The following HSPA8 variants were observed in gnomAD, a reference collection of about 807,000 sequenced individuals.
HSPA8 encodes the protein heat shock protein family A (Hsp70) member 8.
A neutral mutation model predicts 52.8 loss-of-function variants in HSPA8; 2 were observed. The ratio of observed to expected loss-of-function variants is 0.04; its 90% CI spans 0.02 to 0.12. The LOEUF (loss-of-function observed/expected upper bound fraction) is 0.12. Among genes scored for constraint, HSPA8 ranks in the 10% least tolerant of loss-of-function variants. HSPA8 has a pLI of 1.00. For synonymous variants in HSPA8, 436 were observed against 274.0 expected (o/e 1.59, Z -5.84); for missense variants, 349 against 800.5 (o/e 0.44, Z 6.81).
Position 123,057,603 on chromosome 11 carries a change from A to C in HSPA8, c.*131T>G. 1 of 625,788 alleles carries C rather than the reference A, an allele frequency of 1.6e-6. No homozygotes were observed. Among genetic ancestry groups the C allele is most frequent in the East Asian group, 2.9e-5 (1 of 34,812 alleles). 38.8% of individuals were successfully genotyped at this position (625,788 alleles called of 1,614,324 possible). On this transcript the variant is annotated 3_prime_UTR_variant, in exon 9 of 9. Coordinates refer to ENST00000534624, the MANE Select transcript of HSPA8 (RefSeq NM_006597.6). Reference sequence around the variant, plus strand: ...TCCCCTGTGCATATGTTCCATATTCAAGTATTGAGAATGCCCAGTAACTTA... The same window carrying C: ...TCCCCTGTGCATATGTTCCATATTCCAGTATTGAGAATGCCCAGTAACTTA...
At position 123,057,532 on chromosome 11, in the gene HSPA8, T is replaced by A. The variant is rs1256421160; in HGVS notation, c.*202A>T. On this transcript the variant is annotated 3_prime_UTR_variant, in exon 9 of 9. Coordinates refer to ENST00000534624, the MANE Select transcript of HSPA8 (RefSeq NM_006597.6). ...AAATAGTTTTATTTAAGACATTGCA[T>A]TTTCCACTTACAATACAGTGTTTAT... 6.4e-6 allele frequency: 3 copies of A among 470,432 alleles called. No individual in the cohort carries two copies. The East Asian group carries it at 1.1e-4, about 17-fold the overall frequency. 29.1% of individuals were successfully genotyped at this position (470,432 alleles called of 1,614,324 possible).
chr11:123,059,307 A>G (rs552299685), intron 5 of HSPA8, 46 bp from the exon 6 acceptor site: 4 of 1,517,146 alleles, frequency 2.6e-6, no homozygotes, highest in South Asian at 1.1e-5. Flanking sequence ...AAGAAAACCC[A>G]GTACATAGCT....
In HSPA8 at chr11:123,060,839, C is replaced by T. The variant is rs2135446430; in HGVS notation, c.206-41G>A. 4 of 1,555,162 alleles carry T rather than the reference C, an allele frequency of 2.6e-6. No homozygotes were observed. In the South Asian group the frequency reaches 3.3e-5, roughly 13 times the overall value. On this transcript the variant is annotated intron_variant, in intron 2 of 8. Coordinates refer to ENST00000534624, the MANE Select transcript of HSPA8 (RefSeq NM_006597.6). ...AATGAAAACACTTTCAATTTCATAG[C>T]TCTTCTGATAAAACTCAAGTCCATG...
chr11:123,060,916 G>T, intron 2 of HSPA8, 118 bp from the exon 3 acceptor site: 1 of 981,692 alleles, frequency 1.0e-6, no homozygotes. Flanking sequence ...CTACCATATA[G>T]GTAGCAAAGG....
At chr11:123,060,963 C>A in intron 2 of HSPA8, 157 bp downstream of exon 2, 1 of 885,274 alleles carries the variant, frequency 1.1e-6, no homozygotes, top group East Asian at 2.6e-5. Context: ...CAGATTTCAG[C>A]CTGAAAGGTT....
chr11:123,059,557 T>C lies in HSPA8; in HGVS notation c.1036A>G (p.Ile346Val). 6.2e-7 allele frequency: 1 copy of C among 1,614,066 alleles called. No individual in the cohort carries two copies. The highest frequency in any genetic ancestry group is 1.1e-5 in the South Asian group (1 of 91,074). The part of the protein sequence containing the change: ...LVGGSTRIPK[I>V]QKLLQDFFNG... ...AAGAAGTCTTGGAGAAGCTTCTGAA[T>C]CTTGGGGATACGAGTAGAACCACCA... is the stretch of plus-strand genomic sequence containing the variant. The change falls in exon 5 of 9, where the codon ATT (isoleucine) becomes GTT (valine). Residue 346 changes from isoleucine (I) to valine (V), a missense_variant. Ile to Val is a conservative substitution (Grantham distance 29). Transcript: ENST00000534624.
chr11:123,060,261 G>T lies in HSPA8; in HGVS notation c.419C>A (p.Thr140Asn), dbSNP rs141156763. 6.8e-6 allele frequency: 11 copies of T among 1,613,314 alleles called. No homozygotes were observed. Among genetic ancestry groups the T allele is most frequent in the African/African-American group, 1.3e-5 (1 of 74,982 alleles). Residue 140 changes from threonine (T) to asparagine (N), a missense_variant, in exon 4 of 9, where the codon ACC becomes AAC. By Grantham distance (65) the Thr-to-Asn change is moderately conservative. Coordinates refer to ENST00000534624, the MANE Select transcript of HSPA8 (RefSeq NM_006597.6). The part of the protein sequence containing the change: ...IAEAYLGKTV[T>N]NAVVTVPAYF... ...AGCTGGCACTGTGACCACAGCATTG[G>T]TAACAGTCTAGGAATAAGGAAAAGA...
At chr11:123,061,560 T>C (rs1018218443) in intron 1 of HSPA8, 27 of 563,358 alleles carry the variant, frequency 4.8e-5, no homozygotes, top group Non-Finnish European at 8.6e-5. Context: ...CCAGACGGCG[T>C]GGGGCGTTGC....
At chr11:123,060,393 T>A in intron 3 of HSPA8, 125 bp from the exon 4 acceptor site, 1 of 1,014,330 alleles carries the variant, frequency 9.9e-7, no homozygotes, top group Non-Finnish European at 1.5e-6. Flanking sequence ...TGTAAATTAC[T>A]GTGTAATTGT....
At chr11:123,058,224 AG>A (rs773956929) in intron 8 of HSPA8, 27 bp downstream of exon 8, 4 of 1,078,836 alleles carry the variant, frequency 3.7e-6, no homozygotes, top group Non-Finnish European at 5.4e-6. Flanking sequence ...TGAGTGGGGG[AG>A]GAAAAAAAAA....
rs1174128880 is a variant in HSPA8 at position 123,059,457 on chromosome 11, G to C, written c.1120+16C>G. 5 of 1,602,198 alleles carry C rather than the reference G, an allele frequency of 3.1e-6. No homozygotes were observed. In the African/African-American group the frequency reaches 4.0e-5, roughly 13 times the overall value. ...GGCCTGCCTGCCTTTAGGGTTAATTGAGATACCATTGTTACCTGCACCATA... is the reference window on the plus strand; with the variant it reads ...GGCCTGCCTGCCTTTAGGGTTAATTCAGATACCATTGTTACCTGCACCATA... On this transcript the variant is annotated intron_variant, in intron 5 of 8. Coordinates refer to ENST00000534624, the MANE Select transcript of HSPA8 (RefSeq NM_006597.6).
At chr11:123,058,981 C>A in intron 6 of HSPA8, 78 bp downstream of exon 6, 1 of 1,442,096 alleles carries the variant, frequency 6.9e-7, no homozygotes. Flanking sequence ...GTTTTGGAAT[C>A]CATCATCATA....
At chr11:123,060,513 CGCCAGG>C in intron 3 of HSPA8, 74 bp downstream of exon 3, 3 of 1,127,752 alleles carry the variant, frequency 2.7e-6, no homozygotes, top group Non-Finnish European at 4.0e-6. Flanking sequence ...TCCCCTCCCT[CGCCAGG>C]TGCCAGTGCC....
In HSPA8 at chr11:123,060,005, G is replaced by T. The variant is rs749654902; in HGVS notation, c.588C>A (p.Leu196=). The T allele has an allele frequency of 1.9e-6, 3 of 1,613,710 alleles. No individual in the cohort carries two copies. The highest frequency in any genetic ancestry group is 3.3e-5 in the Admixed American group (2 of 59,942). ...AAGTGCCACCTCCCAGGTCAAAGAT[G>T]AGCACGTTTCTTTCTGCTCCAACCT... ...DKKVGAERNV[L]IFDLGGGTFD... The change falls in exon 5 of 9, where the codon CTC becomes CTA. Residue 196 remains leucine (L), a synonymous_variant. Coordinates refer to ENST00000534624, the MANE Select transcript of HSPA8 (RefSeq NM_006597.6).
chr11:123,060,752 C>G lies in HSPA8; in HGVS notation c.252G>C (p.Gln84His). Residue 84 changes from glutamine (Q) to histidine (H), a missense_variant, in exon 3 of 9, where the codon CAG becomes CAC. Transcript: ENST00000534624. ...IGRRFDDAVV[Q>H]SDMKHWPFMV... is the part of the protein sequence containing the mutation. Reference sequence around the variant, plus strand: ...TAAAGGGCCAATGTTTCATATCAGACTGGACAACAGCATCATCAAATCTGC... The same window carrying G: ...TAAAGGGCCAATGTTTCATATCAGAGTGGACAACAGCATCATCAAATCTGC... 6.2e-7 allele frequency: 1 copy of G among 1,614,068 alleles called. No homozygotes were observed. Among genetic ancestry groups the G allele is most frequent in the Non-Finnish European group, 8.5e-7 (1 of 1,180,018 alleles).
At chr11:123,062,299 C>T (rs1315002901), upstream of HSPA8, 1 of 152,586 alleles carries the variant, frequency 6.6e-6, no homozygotes, top group African/African-American at 2.4e-5. Context: ...GGCCTCGCCC[C>T]CTTCCGCACC....
chr11:123,060,473 G>C, intron 3 of HSPA8, 120 bp downstream of exon 3: 2 of 919,648 alleles, frequency 2.2e-6, no homozygotes, highest in Non-Finnish European at 3.5e-6. Flanking sequence ...TTGGGCACGT[G>C]GTCTTAACCC....
In HSPA8 at chr11:123,058,464, T is replaced by C. The variant is rs1355011382; in HGVS notation, c.1543A>G (p.Ile515Val). Residue 515 changes from isoleucine to valine, a missense_variant, in exon 8 of 9, where the codon ATT becomes GTT. Physicochemically the swap from Ile to Val is conservative, Grantham distance 29. Transcript: ENST00000534624. ...NDKGRLSKED[I>V]ERMVQEAEKY... ...TCAGCTTCCTGGACCATACGTTCAA[T>C]GTCTTCCTTGCTCAAACGGCCTAGG... 2 of 1,614,140 alleles carry C rather than the reference T, an allele frequency of 1.2e-6. No individual in the cohort carries two copies. Among genetic ancestry groups the C allele is most frequent in the Non-Finnish European group, 1.7e-6 (2 of 1,179,994 alleles).
In HSPA8 at chr11:123,061,336, A is replaced by G. The variant is rs372618816; in HGVS notation, c.-5-7T>C. On this transcript the variant is annotated splice_region_variant and splice_polypyrimidine_tract_variant and intron_variant, in intron 1 of 8. Coordinates refer to ENST00000534624, the MANE Select transcript of HSPA8 (RefSeq NM_006597.6). ...GGTCCCTTGGACATGGTTGCTGAAA[A>G]AAAGAAAAATCTGGTTTAAAAATTC... 190 of 1,607,060 alleles carry G rather than the reference A, an allele frequency of 1.2e-4. 1 individual carries two copies. The African/African-American group carries it at 2.1e-3, about 18-fold the overall frequency.
Sources: gnomAD v4.1 joint callset for allele counts on GRCh38, gnomAD v4.1.1 for gene constraint, MANE v1.5 for transcripts, NCBI Gene and HGNC (gene_info 2026-07-23, HGNC 2026-07-21) for gene names.